The following MMP10 variants were observed in gnomAD, a reference collection of about 807,000 sequenced individuals.
The protein encoded by MMP10 is stromelysin-2.
A neutral mutation model predicts 49.1 loss-of-function variants in MMP10; 50 were observed. The ratio of observed to expected loss-of-function variants is 1.02; its 90% CI spans 0.81 to 1.29. The LOEUF is 1.29. Ranked by LOEUF, MMP10 falls within the 50% of genes most tolerant of loss-of-function variation. The pLI is 0.00. For synonymous variants in MMP10, 229 were observed against 201.6 expected (o/e 1.14, Z -1.15); for missense variants, 613 against 563.8 (o/e 1.09, Z -0.88).
intron 6 of MMP10, 52 bp downstream of exon 6, chr11:102,776,228 A>G: frequency 6.6e-7 from 1 of 1,514,948 alleles, no homozygotes; most frequent in Middle Eastern, 1.8e-4. Context: ...TTTTCTTTCT[A>G]AGCACTGTAC....
chr11:102,775,351 CT>C (rs1862012062), intron 6 of MMP10, 30 bp from the exon 7 acceptor site: 1 of 1,557,958 alleles, frequency 6.4e-7, no homozygotes, highest in Non-Finnish European at 8.7e-7. Context: ...TTGCAATTGT[CT>C]TTCTCTTTTA....
Position 102,776,728 on chromosome 11 carries a change from C to T in MMP10, c.671G>A (p.Gly224Glu). 1 of 1,613,914 alleles carries T rather than the reference C, an allele frequency of 6.2e-7. No homozygotes were observed. The highest frequency in any genetic ancestry group is 8.5e-7 in the Non-Finnish European group (1 of 1,179,920). The change falls in exon 5 of 10, where the codon GGG becomes GAG. Residue 224 changes from glycine to glutamate, a missense_variant. Physicochemically the swap from Gly to Glu is moderately conservative, Grantham distance 98. Transcript: ENST00000279441. The part of the protein sequence containing the change: ...VAAHELGHSL[G>E]LFHSANTEAL... Reference sequence around the variant, plus strand: ...TTCAGTGTTGGCTGAGTGAAAGAGCCCCAGGGAGTGGCCAAGTTCATGAGC... The same window carrying T: ...TTCAGTGTTGGCTGAGTGAAAGAGCTCCAGGGAGTGGCCAAGTTCATGAGC...
chr11:102,776,364 G>T lies in MMP10; in HGVS notation c.848C>A (p.Ser283Tyr). Residue 283 changes from serine to tyrosine, a missense_variant, in exon 6 of 10, where the codon TCT becomes TAT. Physicochemically the swap from Ser to Tyr is moderately radical, Grantham distance 144. Coordinates refer to ENST00000279441, the MANE Select transcript of MMP10 (RefSeq NM_002425.3). ...AGGATCACACTTGGCTGGCATCTCA[G>T]ATCCCGAAGGAACAGATTTTGTGGG... ...LVPTKSVPSG[S>Y]EMPAKCDPAL... The T allele has an allele frequency of 6.2e-7, 1 of 1,613,870 alleles. No homozygotes were observed.
chr11:102,775,364 A>G lies in MMP10; in HGVS notation c.933-43T>C, dbSNP rs761213253. The G allele has an allele frequency of 1.2e-5, 18 of 1,513,372 alleles. 1 individual carries two copies. Among genetic ancestry groups the G allele is most frequent in the Middle Eastern group, 3.8e-4 (2 of 5,294 alleles). The allele number at this position is 1,513,372 out of a possible 1,614,324, so 93.7% of individuals were successfully genotyped here. On this transcript the variant is annotated intron_variant, in intron 6 of 9. Coordinates refer to ENST00000279441, the MANE Select transcript of MMP10 (RefSeq NM_002425.3). ...ACTTGCAATTGTCTTTCTCTTTTAGATATGTGAAAAAAAAATTCTTTTTTT... is the reference window on the plus strand; with the variant it reads ...ACTTGCAATTGTCTTTCTCTTTTAGGTATGTGAAAAAAAAATTCTTTTTTT...
At chr11:102,780,293 A>G (rs1224750399) in intron 1 of MMP10, among the ~76,000 whole-genome samples, 194 bp downstream of exon 1, 2 of 152,218 alleles carry the variant, frequency 1.3e-5, no homozygotes, top group African/African-American at 4.8e-5. Context: ...GAGCAGTTAT[A>G]TTCCCTTTCT....
rs751757387 is a variant in MMP10 at position 102,779,706 on chromosome 11, T to C, written c.145A>G (p.Lys49Glu). The C allele has an allele frequency of 1.2e-6, 2 of 1,614,014 alleles. No homozygotes were observed. The highest frequency in any genetic ancestry group is 1.7e-6 in the Non-Finnish European group (2 of 1,179,964). ...EKYYNLEKDV[K>E]QFRRKDSNLI... The stretch of plus-strand genomic sequence containing the variant: ...TTACTGTCCTTTCTTCTAAACTGTT[T>C]CACATCCTTTTCGAGGTTGTAGTAC... Residue 49 changes from lysine to glutamate, a missense_variant, in exon 2 of 10, where the codon AAA (lysine) becomes GAA (glutamate). Physicochemically the swap from Lys to Glu is moderately conservative, Grantham distance 56. Transcript: ENST00000279441.
chr11:102,777,026 C>T (rs374614912), intron 4 of MMP10, among the ~76,000 whole-genome samples: 2 of 152,246 alleles, frequency 1.3e-5, no homozygotes, highest in African/African-American at 4.8e-5. Context: ...GTCAGGAAAA[C>T]TAAGACACTT....
chr11:102,775,741 A>G (rs17860979), intron 6 of MMP10, among the ~76,000 whole-genome samples: 16,360 of 152,148 alleles, frequency 0.11, 1,150 homozygotes, highest in Middle Eastern at 0.23. Flanking sequence ...ATTGTGCCAC[A>G]AGCACATATC....
chr11:102,776,412 G>T lies in MMP10; in HGVS notation c.800C>A (p.Ala267Asp), dbSNP rs144464068. The T allele has an allele frequency of 1.4e-4, 223 of 1,613,488 alleles. 1 individual carries two copies. In the African/African-American group the frequency reaches 2.5e-3, roughly 18 times the overall value. Residue 267 changes from alanine (A) to aspartate (D), a missense_variant, in exon 6 of 10, where the codon GCC (alanine) becomes GAC (aspartate). By Grantham distance (126) the Ala-to-Asp change is moderately radical (BLOSUM62 -2). Transcript: ENST00000279441. ...GIQSLYGPPP[A>D]STEEPLVPTK... ...GGGCACCAGGGGTTCCTCAGTAGAG[G>T]CAGGGGGAGGTCCTAAAGGAAACAG... is the stretch of plus-strand genomic sequence containing the variant.
chr11:102,779,382 A>G (rs755934066), intron 2 of MMP10, 21 bp from the exon 3 acceptor site: 11 of 1,612,278 alleles, frequency 6.8e-6, no homozygotes, highest in African/African-American at 1.3e-5. Flanking sequence ...AAAATTGAAG[A>G]GGATGTTATT....
In MMP10 at chr11:102,779,618, A is replaced by G. The variant is rs1013833030; in HGVS notation, c.233T>C (p.Leu78Pro). Reference protein sequence around the residue: ...KFLGLEVTGKLDTDTLEVMRK... With the variant: ...KFLGLEVTGKPDTDTLEVMRK... ...CATCACCTCCAGAGTGTCAGTGTCT[A>G]GCTTCCCTGTCACCTCCAACCCAAG... is the stretch of plus-strand genomic sequence containing the variant. Residue 78 changes from leucine (L) to proline (P), a missense_variant, in exon 2 of 10, where the codon CTA becomes CCA. Leu to Pro is a moderately conservative substitution (Grantham distance 98, BLOSUM62 -3). Coordinates refer to ENST00000279441, the MANE Select transcript of MMP10 (RefSeq NM_002425.3). 3.7e-6 allele frequency: 6 copies of G among 1,613,930 alleles called. No homozygotes were observed. Among genetic ancestry groups the G allele is most frequent in the South Asian group, 1.1e-5 (1 of 91,088 alleles).
intron 6 of MMP10, 128 bp downstream of exon 6, chr11:102,776,152 A>T: frequency 1.3e-6 from 1 of 753,666 alleles, no homozygotes; most frequent in South Asian, 2.3e-5. Flanking sequence ...GAGTTTATCT[A>T]TATAACAAAC....
At chr11:102,775,461 A>C in intron 6 of MMP10, 140 bp from the exon 7 acceptor site, 1 of 605,174 alleles carries the variant, frequency 1.7e-6, no homozygotes, top group East Asian at 3.0e-5. Context: ...ATTCCAGGGT[A>C]ATGAAATCGA....
rs1291531930 is a variant in MMP10, at chr11:102,776,534, C to G, written c.787+78G>C. The G allele has an allele frequency of 3.2e-6, 5 of 1,573,770 alleles. No homozygotes were observed. The East Asian group carries it at 6.7e-5, about 21-fold the overall frequency. ...AGTGCTTCAGGCCAAATCAGAAATA[C>G]TTTAGGTAGCACTGGAAAGCTTTCT... is the stretch of plus-strand genomic sequence containing the variant. On this transcript the variant is annotated intron_variant, in intron 5 of 9. Coordinates refer to ENST00000279441, the MANE Select transcript of MMP10 (RefSeq NM_002425.3).
chr11:102,779,674 A>T lies in MMP10; in HGVS notation c.177T>A (p.Ile59=). Residue 59 remains isoleucine, a synonymous_variant, in exon 2 of 10, where the codon ATT becomes ATA. Transcript: ENST00000279441. ...TCTGCATTCCTTGGATTTTTTTAAC[A>T]ATGAGATTACTGTCCTTTCTTCTAA... ...KQFRRKDSNL[I]VKKIQGMQKF... 1 of 1,613,948 alleles carries T rather than the reference A, an allele frequency of 6.2e-7. No individual in the cohort carries two copies.
At position 102,770,775 on chromosome 11, in the gene MMP10, G is replaced by T; in HGVS notation, c.*18C>A. On this transcript the variant is annotated 3_prime_UTR_variant, in exon 10 of 10. Transcript: ENST00000279441. Reference sequence around the variant, plus strand: ...AGATTTATTAAAAACACCCATATCTGTCTTCCCCCTATCTCGCCTAGCAAT... The same window carrying T: ...AGATTTATTAAAAACACCCATATCTTTCTTCCCCCTATCTCGCCTAGCAAT... 6.6e-7 allele frequency: 1 copy of T among 1,506,734 alleles called. No individual in the cohort carries two copies. Among genetic ancestry groups the T allele is most frequent in the Non-Finnish European group, 9.1e-7 (1 of 1,093,382 alleles). 93.3% of individuals were successfully genotyped at this position (1,506,734 alleles called of 1,614,324 possible).
chr11:102,773,753 C>A (rs1240783047), intron 7 of MMP10, among the ~76,000 whole-genome samples: 1 of 152,220 alleles, frequency 6.6e-6, no homozygotes, highest in Admixed American at 6.5e-5. Context: ...CTAACATCAC[C>A]TCCCCTAAGG....
rs747206561 is a variant in MMP10 at position 102,770,791 on chromosome 11, G to T, written c.*2C>A. The T allele has an allele frequency of 6.3e-7, 1 of 1,584,346 alleles. No individual in the cohort carries two copies. The highest frequency in any genetic ancestry group is 1.4e-5 in the African/African-American group (1 of 74,072). On this transcript the variant is annotated 3_prime_UTR_variant, in exon 10 of 10. Transcript: ENST00000279441. ...CCCATATCTGTCTTCCCCCTATCTC[G>T]CCTAGCAATGTAACCAGCTGTTACT... is the stretch of plus-strand genomic sequence containing the variant.
intron 3 of MMP10, 33 bp downstream of exon 3, chr11:102,779,180 T>C (rs918742980): frequency 6.2e-7 from 1 of 1,610,390 alleles, no homozygotes; most frequent in African/African-American, 1.3e-5. Flanking sequence ...AACAGATGAA[T>C]ACACCAGATA....
Sources: gnomAD v4.1 joint callset for allele counts (sites outside exome capture counted in the v4.1 genomes callset) on GRCh38, gnomAD v4.1.1 for gene constraint, MANE v1.5 for transcripts, NCBI Gene and HGNC (gene_info 2026-07-23, HGNC 2026-07-21) for gene names.